Variants in PUM2 observed in about 807,000 individuals in gnomAD.
PUM2 encodes the protein pumilio RNA binding family member 2.
PUM2 carries 57 observed loss-of-function variants against 124.5 expected under a neutral mutation model. That is an observed-to-expected ratio of 0.46 (90% CI 0.37 to 0.57). PUM2 has a LOEUF of 0.57. PUM2 is among the 20% of genes least tolerant of loss of function. The pLI is 0.00. For synonymous variants in PUM2, 460 were observed against 446.1 expected (o/e 1.03, Z -0.39); for missense variants, 1,065 against 1,290.6 (o/e 0.83, Z 2.68).
At chr2:20,262,189 G>A (rs1264060703) in intron 14 of PUM2, among the ~76,000 whole-genome samples, 2 of 152,184 alleles carry the variant, frequency 1.3e-5, no homozygotes, top group East Asian at 1.9e-4. Flanking sequence ...TGTTTATAAA[G>A]TCTAGAGGAG....
At chr2:20,291,306 G>A (rs1674014926) in intron 9 of PUM2, among the ~76,000 whole-genome samples, 1 of 152,182 alleles carries the variant, frequency 6.6e-6, no homozygotes, top group South Asian at 2.1e-4. Flanking sequence ...AAACTTTCCT[G>A]CCTAAAGTCA....
chr2:20,278,840 A>C (rs1434032833), intron 12 of PUM2, 21 bp from the exon 13 acceptor site: 5 of 1,577,538 alleles, frequency 3.2e-6, no homozygotes, highest in Admixed American at 1.7e-5. Context: ...AATAAAAAAA[A>C]CCCTAATTAC....
chr2:20,278,032 G>C (rs909470378), intron 13 of PUM2, among the ~76,000 whole-genome samples: 1 of 152,060 alleles, frequency 6.6e-6, no homozygotes, highest in Non-Finnish European at 1.5e-5. Context: ...GGTACAACAA[G>C]CCTAAAACAT....
At chr2:20,343,956 C>T (rs373578336) in intron 1 of PUM2, among the ~76,000 whole-genome samples, 270 of 152,202 alleles carry the variant, frequency 1.8e-3, no homozygotes, top group Non-Finnish European at 3.2e-3. Context: ...AAAAAAAAAG[C>T]AATTTCTTAG....
Position 20,251,358 on chromosome 2 carries a change from A to G in PUM2, c.*227T>C, listed in dbSNP as rs1663248794. On this transcript the variant is annotated 3_prime_UTR_variant, in exon 21 of 21. Coordinates refer to ENST00000361078, the MANE Select transcript of PUM2 (RefSeq NM_015317.5). ...CATTCTGTGCTTTGCCAGCAATCCAATCTGATAGGTCTCCACTCAGGGCTG... is the reference window on the plus strand; with the variant it reads ...CATTCTGTGCTTTGCCAGCAATCCAGTCTGATAGGTCTCCACTCAGGGCTG... The G allele has an allele frequency of 1.0e-5, 4 of 388,386 alleles. No individual in the cohort carries two copies. The highest frequency in any genetic ancestry group is 1.1e-4 in the South Asian group (2 of 18,208). The allele number at this position is 388,386 out of a possible 1,614,324, so 24.1% of individuals were successfully genotyped here. A position where few individuals can be genotyped will look rare whatever the true frequency, so the allele number is the denominator to read the frequency against.
At chr2:20,275,425 G>C (rs1271004002) in intron 13 of PUM2, among the ~76,000 whole-genome samples, 1 of 152,032 alleles carries the variant, frequency 6.6e-6, no homozygotes, top group Non-Finnish European at 1.5e-5. Context: ...ACTGTCATCA[G>C]TTGTAACCTT....
rs1466282639 is a variant in PUM2 at position 20,350,716 on chromosome 2, A to C, written c.-138T>G. On this transcript the variant is annotated 5_prime_UTR_variant, in exon 1 of 21. Transcript: ENST00000361078. The stretch of plus-strand genomic sequence containing the variant: ...GGTGGCGGCAATGTCTTCTTTCTCC[A>C]CCTACCACCCTCCCCCCCCACCCCA... 17 of 968,276 alleles carry C rather than the reference A, an allele frequency of 1.8e-5. No homozygotes were observed. The highest frequency in any genetic ancestry group is 7.6e-5 in the African/African-American group (4 of 52,398). 60.0% of individuals were successfully genotyped at this position (968,276 alleles called of 1,614,324 possible). A position where few individuals can be genotyped will look rare whatever the true frequency, so the allele number is the denominator to read the frequency against.
At chr2:20,290,262 A>G (rs1054546926) in intron 10 of PUM2, among the ~76,000 whole-genome samples, 4 of 152,254 alleles carry the variant, frequency 2.6e-5, no homozygotes, top group African/African-American at 9.6e-5. Context: ...CATTAGCGGC[A>G]AACTTCTGCT....
chr2:20,272,839 TA>T (rs1193095285), intron 13 of PUM2, among the ~76,000 whole-genome samples: 1 of 152,238 alleles, frequency 6.6e-6, no homozygotes, highest in African/African-American at 2.4e-5. Flanking sequence ...CAGCATTTTA[TA>T]GTTTATAATG....
At chr2:20,313,193 C>T (rs549071856) in intron 3 of PUM2, among the ~76,000 whole-genome samples, 1 of 152,302 alleles carries the variant, frequency 6.6e-6, no homozygotes, top group East Asian at 1.9e-4. Flanking sequence ...GCAATGGCAA[C>T]AAAAGCCAAA....
In PUM2 at chr2:20,288,178, G is replaced by A. The variant is rs572816975; in HGVS notation, c.1291+2474C>T. On this transcript the variant is annotated intron_variant, in intron 10 of 20. Coordinates refer to ENST00000361078, the MANE Select transcript of PUM2 (RefSeq NM_015317.5). ...GTGGAAATACAGCAAATCTGACTCT[G>A]AAGAAGGCAGCCATTAAGCCAGACT... Among the ~76,000 whole-genome samples, 8 of 152,308 alleles carry A rather than the reference G, an allele frequency of 5.3e-5. No individual in the cohort carries two copies. In the South Asian group the frequency reaches 1.5e-3, roughly 28 times the overall value.
intron 12 of PUM2, among the ~76,000 whole-genome samples, chr2:20,280,583 C>G (rs1671279076): frequency 6.6e-6 from 1 of 151,962 alleles, no homozygotes; most frequent in African/African-American, 2.4e-5. Flanking sequence ...ACAAATAATC[C>G]AAGAAACCAG....
At chr2:20,276,537 A>G (rs1356943634) in intron 13 of PUM2, among the ~76,000 whole-genome samples, 2 of 152,124 alleles carry the variant, frequency 1.3e-5, no homozygotes, top group African/African-American at 4.8e-5. Flanking sequence ...TTACTTTAAA[A>G]ATATGCAAAT....
intron 3 of PUM2, among the ~76,000 whole-genome samples, chr2:20,314,845 A>G (rs1680494414): frequency 6.6e-6 from 1 of 152,176 alleles, no homozygotes; most frequent in Non-Finnish European, 1.5e-5. Context: ...TGTCCTCAAG[A>G]GTACAGGTTT....
At chr2:20,298,257 T>C (rs190280308) in intron 7 of PUM2, among the ~76,000 whole-genome samples, 186 of 152,266 alleles carry the variant, frequency 1.2e-3, no homozygotes, top group Non-Finnish European at 1.8e-3. Context: ...GAATGAGGTA[T>C]AGTGTAAGAT....
rs780759319 is a variant in PUM2, at chr2:20,283,110, T to C, written c.1557A>G (p.Gln519=). Reference sequence around the variant, plus strand: ...AACTGCTTCCATAAAATGAATTAGATTGCAGATTAGTGCTTGGCTGCTGTT... The same window carrying C: ...AACTGCTTCCATAAAATGAATTAGACTGCAGATTAGTGCTTGGCTGCTGTT... The part of the protein sequence containing the change: ...QQQQQPSTNL[Q]SNSFYGSSSL... The change falls in exon 12 of 21, where the codon CAA becomes CAG. Residue 519 remains glutamine (Q), a synonymous_variant. Transcript: ENST00000361078. The C allele has an allele frequency of 4.3e-6, 7 of 1,614,050 alleles. No homozygotes were observed. In the African/African-American group the frequency reaches 5.3e-5, roughly 12 times the overall value.
chr2:20,330,534 T>C (rs1283073867), intron 1 of PUM2, among the ~76,000 whole-genome samples: 5 of 152,242 alleles, frequency 3.3e-5, no homozygotes, highest in South Asian at 2.1e-4. Flanking sequence ...ATCTGAGTTC[T>C]GGGAGCTTAC....
chr2:20,270,135 T>C (rs926124280), intron 13 of PUM2, among the ~76,000 whole-genome samples: 6 of 151,598 alleles, frequency 4.0e-5, no homozygotes, highest in African/African-American at 1.5e-4. Flanking sequence ...CGCAAAAGAG[T>C]AGTAGTAGTA....
chr2:20,281,094 G>T (rs939977871), intron 12 of PUM2, among the ~76,000 whole-genome samples: 3 of 152,058 alleles, frequency 2.0e-5, no homozygotes, highest in African/African-American at 7.2e-5. Flanking sequence ...GTGCAAACTT[G>T]TAAGAGTCCA....
Sources: gnomAD v4.1 joint callset for allele counts (sites outside exome capture counted in the v4.1 genomes callset) on GRCh38, gnomAD v4.1.1 for gene constraint, MANE v1.5 for transcripts, NCBI Gene and HGNC (gene_info 2026-07-23, HGNC 2026-07-21) for gene names.